The following EVC variants were observed in gnomAD, a reference collection of about 807,000 sequenced individuals.
The protein encoded by EVC is evC complex member EVC.
Under a neutral mutation model 118.9 loss-of-function variants are expected in EVC, and 116 were observed. That is an observed-to-expected ratio of 0.98 (90% CI 0.84 to 1.14). The LOEUF is 1.14. Among genes scored for constraint, EVC ranks in the 50% most tolerant of loss-of-function variants. The pLI is 0.00. For synonymous variants in EVC, 619 were observed against 534.7 expected, an observed-to-expected ratio of 1.16 and a Z score of -2.18; for missense variants, 1,401 against 1,246.4, an observed-to-expected ratio of 1.12 and a Z score of -1.87.
intron 5 of EVC, among the ~76,000 whole-genome samples, chr4:5,736,197 G>A (rs1037462853): frequency 4.6e-5 from 7 of 152,146 alleles, no homozygotes; most frequent in African/African-American, 1.4e-4. Context: ...ACCAGCACTA[G>A]GGGGTTCTCA....
the EVC span, among the ~76,000 whole-genome samples, chr4:5,822,990 A>G: frequency 2.0e-5 from 3 of 152,226 alleles, no homozygotes; most frequent in Middle Eastern, 6.8e-3. Context: ...GTACCCTTTC[A>G]TACTTTTTCT....
chr4:5,748,183 G>T lies in EVC; in HGVS notation c.975G>T (p.Gln325His). The T allele has an allele frequency of 6.2e-7, 1 of 1,614,170 alleles. No homozygotes were observed. Among genetic ancestry groups the T allele is most frequent in the Non-Finnish European group, 8.5e-7 (1 of 1,180,040 alleles). Reference protein sequence around the residue: ...EAFWKQMANIQHFLVDQFKCS... With the variant: ...EAFWKQMANIHHFLVDQFKCS... ...TCTGGAAACAGATGGCAAATATCCAGCACTTTCTTGTGGACCAGTTTAAGT... is the reference window on the plus strand; with the variant it reads ...TCTGGAAACAGATGGCAAATATCCATCACTTTCTTGTGGACCAGTTTAAGT... Residue 325 changes from glutamine (Q) to histidine (H), a missense_variant, in exon 8 of 21, where the codon CAG becomes CAT. Transcript: ENST00000264956.
intron 16 of EVC, among the ~76,000 whole-genome samples, chr4:5,803,531 G>C (rs1715360654): frequency 6.6e-6 from 1 of 152,080 alleles, no homozygotes; most frequent in Admixed American, 6.5e-5. Flanking sequence ...TGTGGGACTA[G>C]GGTTGGAGAC....
At chr4:5,751,023 C>A (rs1268761459) in intron 8 of EVC, among the ~76,000 whole-genome samples, 1 of 152,068 alleles carries the variant, frequency 6.6e-6, no homozygotes, top group African/African-American at 2.4e-5. Context: ...CCCTGACGGT[C>A]ATCAGATTCA....
At chr4:5,817,170 G>A (rs1173230201), downstream of EVC, among the ~76,000 whole-genome samples, 1 of 152,228 alleles carries the variant, frequency 6.6e-6, no homozygotes, top group Admixed American at 6.5e-5. Context: ...CTATGAAACT[G>A]GAGTCATGGA....
rs1415580862 is a variant in EVC, at chr4:5,811,191, C to T, written c.*154C>T. ...GACAGAGAAAGAATAGAAATGTGCC[C>T]TAAAAGCATAAATGAGTATCACCTG... is the stretch of plus-strand genomic sequence containing the variant. On this transcript the variant is annotated 3_prime_UTR_variant, in exon 21 of 21. Coordinates refer to ENST00000264956, the MANE Select transcript of EVC (RefSeq NM_153717.3). 1 of 673,172 alleles carries T rather than the reference C, an allele frequency of 1.5e-6. No homozygotes were observed. Among genetic ancestry groups the T allele is most frequent in the Non-Finnish European group, 2.6e-6 (1 of 379,302 alleles). The allele number at this position is 673,172 out of a possible 1,614,324, so 41.7% of individuals were successfully genotyped here.
intron 12 of EVC, among the ~76,000 whole-genome samples, chr4:5,792,131 A>G (rs369539793): frequency 1.3e-5 from 2 of 152,220 alleles, no homozygotes; most frequent in East Asian, 3.8e-4. Context: ...AAGAATGCAC[A>G]TTTCATAATA....
intron 11 of EVC, among the ~76,000 whole-genome samples, chr4:5,769,624 G>C (rs1044865454): frequency 9.2e-5 from 14 of 152,238 alleles, no homozygotes; most frequent in African/African-American, 3.1e-4. Context: ...GCTCTGGGTG[G>C]AGTTTGCTGT....
the EVC span, among the ~76,000 whole-genome samples, chr4:5,827,031 AG>A: frequency 6.6e-6 from 1 of 152,272 alleles, no homozygotes; most frequent in African/African-American, 2.4e-5. Flanking sequence ...CCTGAAGCTC[AG>A]GTGGCCAGAG....
chr4:5,781,052 T>C (rs1735532965), intron 11 of EVC, among the ~76,000 whole-genome samples: 1 of 152,142 alleles, frequency 6.6e-6, no homozygotes, highest in Admixed American at 6.5e-5. Context: ...GCACATCTCC[T>C]TCCTGTCACG....
At chr4:5,712,134 G>C (rs1166985718) in intron 1 of EVC, among the ~76,000 whole-genome samples, 1 of 152,222 alleles carries the variant, frequency 6.6e-6, no homozygotes, top group Non-Finnish European at 1.5e-5. Flanking sequence ...TTGCAAGTTT[G>C]CAAGTAAACT....
chr4:5,804,679 C>T (rs899848483), intron 16 of EVC, 51 bp from the exon 17 acceptor site: 1 of 1,547,068 alleles, frequency 6.5e-7, no homozygotes, highest in East Asian at 2.2e-5. Flanking sequence ...AGACCTGGCA[C>T]AGTGGATCCT....
At position 5,811,591 on chromosome 4, in the gene EVC, T is replaced by C. The variant is rs1159460526; in HGVS notation, c.*554T>C. ...GGGGGCACCTGCTCTCCCTGATAGA[T>C]GCTGAGAGCATCCAGAAACTTCCAG... On this transcript the variant is annotated 3_prime_UTR_variant, in exon 21 of 21. Coordinates refer to ENST00000264956, the MANE Select transcript of EVC (RefSeq NM_153717.3). 4 of 173,604 alleles carry C rather than the reference T, an allele frequency of 2.3e-5. No homozygotes were observed. The highest frequency in any genetic ancestry group is 1.7e-4 in the Admixed American group (3 of 17,800). 10.8% of individuals were successfully genotyped at this position (173,604 alleles called of 1,614,324 possible). A position where few individuals can be genotyped will look rare whatever the true frequency, so the allele number is the denominator to read the frequency against.
At chr4:5,751,844 C>T (rs946587337) in intron 8 of EVC, among the ~76,000 whole-genome samples, 6 of 152,228 alleles carry the variant, frequency 3.9e-5, no homozygotes, top group Admixed American at 2.0e-4. Context: ...TGAGGGTGTT[C>T]CAGGAGGAAG....
chr4:5,722,619 G>T (rs1265194359), intron 2 of EVC, among the ~76,000 whole-genome samples: 1 of 152,180 alleles, frequency 6.6e-6, no homozygotes, highest in Non-Finnish European at 1.5e-5. Flanking sequence ...TCTGAGGCAT[G>T]CTATTCCACA....
chr4:5,814,348 A>G (rs1366522936), downstream of EVC: 1 of 152,212 alleles, frequency 6.6e-6, no homozygotes, highest in Admixed American at 6.5e-5. Context: ...TGAAGCCAGC[A>G]CGGTTTTTTG....
rs1370585706 is a variant in EVC, at chr4:5,789,078, C to T, written c.1777-4530C>T. 7.9e-5 allele frequency among the ~76,000 whole-genome samples: 12 copies of T among 152,162 alleles called. No individual in the cohort carries two copies. The highest frequency in any genetic ancestry group is 7.9e-4 in the Admixed American group (12 of 15,278). The stretch of plus-strand genomic sequence containing the variant: ...TTAACATCCCTGAAATCAAGATACA[C>T]TTTAATTGGCAGTGACTTTTCTCTG... On this transcript the variant is annotated intron_variant, in intron 12 of 20. Transcript: ENST00000264956. This position sits in a 1 kb window ranked among gnomAD's most constrained non-coding sequence, Gnocchi z 4.3.
intron 16 of EVC, 79 bp downstream of exon 16, chr4:5,802,173 G>A (rs1433137453): frequency 6.5e-7 from 1 of 1,539,846 alleles, no homozygotes; most frequent in East Asian, 2.2e-5. Flanking sequence ...TAGGATGTCA[G>A]ATACTGTGAA....
rs1344189007 is a variant in EVC at position 5,754,400 on chromosome 4, G to A, written c.1464+467G>A. On this transcript the variant is annotated intron_variant, in intron 10 of 20. Coordinates refer to ENST00000264956, the MANE Select transcript of EVC (RefSeq NM_153717.3). The surrounding 1 kb of genome is among the most constrained non-coding windows in gnomAD (Gnocchi z 5.8). ...GGGGTTGAGTGGTCAGGGCCAGGAG[G>A]TGGCCAAGGTCAGAGGTACCCTTGG... 6.6e-6 allele frequency among the ~76,000 whole-genome samples: 1 copy of A among 152,180 alleles called. No homozygotes were observed. The highest frequency in any genetic ancestry group is 2.4e-5 in the African/African-American group (1 of 41,456).
Sources: gnomAD v4.1 joint callset for allele counts (sites outside exome capture counted in the v4.1 genomes callset) on GRCh38, gnomAD v4.1.1 for gene constraint, Gnocchi (gnomAD v3.1) non-coding constraint, MANE v1.5 for transcripts, NCBI Gene and HGNC (gene_info 2026-07-23, HGNC 2026-07-21) for gene names.